Variants in DENND2B observed in about 807,000 individuals in gnomAD.
DENND2B encodes DENN domain-containing protein 2B.
A neutral mutation model predicts 116.0 loss-of-function variants in DENND2B; 32 were observed. The observed-to-expected ratio is 0.28, with a 90% CI of 0.21 to 0.37. The LOEUF is 0.37. Among genes scored for constraint, DENND2B ranks in the 10% least tolerant of loss-of-function variants. DENND2B has a pLI of 1.00. For synonymous variants in DENND2B, 588 were observed against 583.9 expected (o/e 1.01, Z -0.10); for missense variants, 1,276 against 1,477.7 (o/e 0.86, Z 2.24).
chr11:8,895,618 G>A (rs905244035), intron 1 of DENND2B: 14 of 152,142 alleles, frequency 9.2e-5, no homozygotes, highest in African/African-American at 2.4e-4. Context: ...ATTGTTTAAC[G>A]AATACAGAGT....
In DENND2B at chr11:8,865,220, C is replaced by G. The variant is rs138178062; in HGVS notation, c.-250+5734G>C. 1.8e-3 allele frequency among the ~76,000 whole-genome samples: 275 copies of G among 152,266 alleles called. 1 individual carries two copies. The highest frequency in any genetic ancestry group is 6.5e-3 in the African/African-American group (269 of 41,546). The stretch of plus-strand genomic sequence containing the variant: ...TAATCTGTTACTTTTAGTGCAATCT[C>G]GCAAAGGCTGGATTCTTCTTAAGCC... On this transcript the variant is annotated intron_variant, in intron 2 of 6. Transcript: ENST00000524757.
chr11:8,904,571 C>A (rs79801907), intron 1 of DENND2B, among the ~76,000 whole-genome samples: 3,156 of 152,158 alleles, frequency 0.021, 44 homozygotes, highest in Middle Eastern at 0.034. Flanking sequence ...CAGGTTCAAG[C>A]CAGTGCGATT....
At chr11:8,752,079 C>A (rs2052609179) in intron 1 of DENND2B, among the ~76,000 whole-genome samples, 1 of 152,156 alleles carries the variant, frequency 6.6e-6, no homozygotes, top group East Asian at 1.9e-4. Context: ...AATGAGCACA[C>A]ATGAATTATC....
rs116357245 is a variant in DENND2B at position 8,827,905 on chromosome 11, T to C, written c.-115+11405A>G. Among the ~76,000 whole-genome samples the C allele has an allele frequency of 3.6e-3, 545 of 152,286 alleles. 2 individuals are homozygous for C. The highest frequency in any genetic ancestry group is 0.012 in the African/African-American group (516 of 41,568). The stretch of plus-strand genomic sequence containing the variant: ...AACAATTTGCCAGCCACAAACTTCC[T>C]TCCTCTACTATCCAGGTAATCCATT... On this transcript the variant is annotated intron_variant, in intron 4 of 6. Coordinates refer to the DENND2B transcript ENST00000524757.
chr11:8,861,514 C>T (rs1304902234), intron 2 of DENND2B, among the ~76,000 whole-genome samples: 1 of 152,084 alleles, frequency 6.6e-6, no homozygotes, highest in Admixed American at 6.6e-5. Context: ...CTAGCCATTA[C>T]TAAAAAGTCA....
At chr11:8,796,242 TA>T (rs34682793) in intron 1 of DENND2B, among the ~76,000 whole-genome samples, 1 of 151,302 alleles carries the variant, frequency 6.6e-6, no homozygotes, top group Admixed American at 6.6e-5. Context: ...ATCAAACCTT[TA>T]AAAAAAAAGA....
chr11:8,783,379 T>C (rs1004848419), intron 1 of DENND2B, among the ~76,000 whole-genome samples: 2 of 152,200 alleles, frequency 1.3e-5, no homozygotes, highest in East Asian at 1.9e-4. Context: ...AATTCATCCA[T>C]ACAATGTAAT....
At chr11:8,840,829 CCTGGCCACGGAACTGAAAGCCTAAGAA>C (rs530356947) in intron 3 of DENND2B, among the ~76,000 whole-genome samples, 660 of 152,304 alleles carry the variant, frequency 4.3e-3, no homozygotes, top group Non-Finnish European at 7.5e-3. Context: ...TTCTTCCTGG[CCTGGCCACGGAACTGAAAGCCTAAGAA>C]CTGTTCTCAC....
intron 1 of DENND2B, among the ~76,000 whole-genome samples, chr11:8,886,436 A>G (rs1000979480): frequency 2.3e-4 from 35 of 152,066 alleles, no homozygotes; most frequent in African/African-American, 7.7e-4. Flanking sequence ...CCTCACCTCA[A>G]TTCTTAGGAG....
intron 1 of DENND2B, among the ~76,000 whole-genome samples, chr11:8,893,254 A>T (rs10840145): frequency 0.34 from 51,536 of 152,042 alleles, 10,414 homozygotes; most frequent in Non-Finnish European, 0.44. Context: ...ATCTCAAAAT[A>T]ATAAGAGCTA....
chr11:8,734,035 C>A (rs912524349), intron 2 of DENND2B, among the ~76,000 whole-genome samples: 3 of 152,200 alleles, frequency 2.0e-5, no homozygotes, highest in African/African-American at 4.8e-5. Flanking sequence ...AGGAACCTGC[C>A]TGTGCTGACC....
intron 1 of DENND2B, among the ~76,000 whole-genome samples, chr11:8,890,555 T>C (rs1200288424): frequency 6.6e-6 from 1 of 152,138 alleles, no homozygotes; most frequent in Non-Finnish European, 1.5e-5. Context: ...AATGACCTGA[T>C]GGAGCTGAAA....
rs1382322707 is a variant in DENND2B at position 8,750,546 on chromosome 11, A to G, written c.80+75T>C. 5.6e-6 allele frequency: 7 copies of G among 1,248,080 alleles called. No homozygotes were observed. The East Asian group carries it at 1.4e-4, about 25-fold the overall frequency. 77.3% of individuals were successfully genotyped at this position (1,248,080 alleles called of 1,614,324 possible). The stretch of plus-strand genomic sequence containing the variant: ...ATGACTGTCAGTCAAGATGATGACT[A>G]TTTACATTTTGGAGGGATCCCACCC... On this transcript the variant is annotated intron_variant, in intron 2 of 19. Coordinates refer to ENST00000313726, the MANE Select transcript of DENND2B (RefSeq NM_213618.2).
intron 1 of DENND2B, among the ~76,000 whole-genome samples, chr11:8,906,401 G>A (rs1218310955): frequency 2.0e-5 from 3 of 149,102 alleles, no homozygotes; most frequent in Admixed American, 6.7e-5. Context: ...GGGTTTCACC[G>A]TGTTAGCCAG....
At chr11:8,904,671 A>G (rs1397608260) in intron 1 of DENND2B, among the ~76,000 whole-genome samples, 8 of 152,182 alleles carry the variant, frequency 5.3e-5, no homozygotes, top group Non-Finnish European at 1.5e-5. Context: ...AAAATCCTAA[A>G]GAATCCACAA....
chr11:8,791,765 CAA>C (rs3055911), intron 1 of DENND2B, among the ~76,000 whole-genome samples: 2 of 147,348 alleles, frequency 1.4e-5, no homozygotes, highest in Non-Finnish European at 1.5e-5. Context: ...GACCCTATCT[CAA>C]AAAAAAAAAG....
At chr11:8,783,702 C>T (rs2134274750) in intron 1 of DENND2B, among the ~76,000 whole-genome samples, 1 of 152,232 alleles carries the variant, frequency 6.6e-6, no homozygotes, top group South Asian at 2.1e-4. Context: ...TAGTTAATTT[C>T]ACGCAAAAAG....
At chr11:8,828,539 TTCC>T (rs758083388) in intron 4 of DENND2B, among the ~76,000 whole-genome samples, 1 of 152,126 alleles carries the variant, frequency 6.6e-6, no homozygotes, top group Non-Finnish European at 1.5e-5. Flanking sequence ...CATCTCTGCG[TTCC>T]TTTCTTCCAC....
At chr11:8,896,703 T>C (rs374517474) in intron 1 of DENND2B, among the ~76,000 whole-genome samples, 1 of 152,356 alleles carries the variant, frequency 6.6e-6, no homozygotes, top group East Asian at 1.9e-4. Context: ...TTACATGAGA[T>C]ATTCAACACT....
Sources: gnomAD v4.1 joint callset for allele counts (sites outside exome capture counted in the v4.1 genomes callset) on GRCh38, gnomAD v4.1.1 for gene constraint, MANE v1.5 for transcripts, NCBI Gene and HGNC (gene_info 2026-07-23, HGNC 2026-07-21) for gene names.